Variants in STXBP5L observed in about 807,000 individuals in gnomAD.
STXBP5L encodes the protein syntaxin binding protein 5L.
STXBP5L carries 65 observed loss-of-function variants against 144.5 expected under a neutral mutation model. The observed-to-expected ratio is 0.45, with a 90% CI of 0.37 to 0.55. The LOEUF (loss-of-function observed/expected upper bound fraction) is 0.55. STXBP5L is among the 20% of genes least tolerant of loss of function. STXBP5L has a pLI of 0.00. For synonymous variants in STXBP5L, 505 were observed against 469.6 expected (o/e 1.08, Z -0.97); for missense variants, 1,298 against 1,405.5 (o/e 0.92, Z 1.22).
At chr3:121,231,650 A>G (rs1577263843) in intron 11 of STXBP5L, among the ~76,000 whole-genome samples, 4 of 152,078 alleles carry the variant, frequency 2.6e-5, no homozygotes, top group Non-Finnish European at 4.4e-5. Context: ...AAAGAGATAT[A>G]TATATTTTGG....
chr3:120,985,089 G>A (rs1942170328), intron 3 of STXBP5L, among the ~76,000 whole-genome samples: 1 of 151,996 alleles, frequency 6.6e-6, no homozygotes, highest in South Asian at 2.1e-4. Flanking sequence ...TTTCATGCCA[G>A]TGTTCATAAG....
chr3:121,190,211 G>T (rs35983445), intron 9 of STXBP5L, among the ~76,000 whole-genome samples: 1 of 152,042 alleles, frequency 6.6e-6, no homozygotes, highest in Non-Finnish European at 1.5e-5. Flanking sequence ...GCGGCCTTCC[G>T]CAGTGTTTGT....
intron 5 of STXBP5L, among the ~76,000 whole-genome samples, chr3:121,057,543 C>A (rs1268664090): frequency 3.3e-5 from 5 of 151,838 alleles, no homozygotes; most frequent in Non-Finnish European, 5.9e-5. Context: ...TTAATTTTGC[C>A]TGTTTTTGAC....
intron 5 of STXBP5L, among the ~76,000 whole-genome samples, chr3:121,069,153 A>G (rs2107655377): frequency 1.3e-5 from 2 of 152,296 alleles, no homozygotes; most frequent in South Asian, 4.1e-4. Context: ...TTCCATTGTC[A>G]TCCCTATCTC....
At chr3:121,314,826 A>G (rs1425135805) in intron 19 of STXBP5L, among the ~76,000 whole-genome samples, 2 of 152,144 alleles carry the variant, frequency 1.3e-5, no homozygotes, top group African/African-American at 2.4e-5. Flanking sequence ...TGGGCAAAGG[A>G]TATGAACAGA....
intron 9 of STXBP5L, among the ~76,000 whole-genome samples, chr3:121,163,255 G>A (rs2046383921): frequency 6.6e-6 from 1 of 152,164 alleles, no homozygotes; most frequent in Admixed American, 6.5e-5. Context: ...AAAAGAATGA[G>A]TTCATGTCCT....
intron 20 of STXBP5L, among the ~76,000 whole-genome samples, chr3:121,367,595 G>GTTTTTTTTTTTTTT (rs57288480): frequency 1.9e-5 from 1 of 51,336 alleles, no homozygotes; most frequent in African/African-American, 7.8e-5. Context: ...TTCGACTCTT[G>GTTTTTTTTTTTTTT]TTTTTTTTTT....
chr3:120,994,762 G>A (rs1349193019), intron 3 of STXBP5L, among the ~76,000 whole-genome samples: 1 of 151,714 alleles, frequency 6.6e-6, no homozygotes, highest in African/African-American at 2.4e-5. Context: ...ATGGTTTTCT[G>A]GTTTTTTTAA....
chr3:121,285,623 G>A lies in STXBP5L; in HGVS notation c.2110+5667G>A, dbSNP rs193061294. ...ATTTTGTAGTTGAAAGAAAACTTTC[G>A]TGTTCTACAGATTATGATTTTTAGA... On this transcript the variant is annotated intron_variant, in intron 19 of 26. Coordinates refer to ENST00000471454, the MANE Select transcript of STXBP5L (RefSeq NM_001308330.2). Among the ~76,000 whole-genome samples the A allele has an allele frequency of 9.2e-5, 14 of 152,092 alleles. No individual in the cohort carries two copies. In the East Asian group the frequency reaches 1.9e-3, roughly 21 times the overall value.
chr3:121,222,731 C>T (rs338971), intron 10 of STXBP5L, among the ~76,000 whole-genome samples: 73,214 of 152,024 alleles, frequency 0.48, 18,164 homozygotes, highest in East Asian at 0.73. Flanking sequence ...GTGAGCACAT[C>T]TACCTTCCTC....
chr3:121,028,105 T>C (rs1576704509), intron 3 of STXBP5L, among the ~76,000 whole-genome samples: 1 of 152,208 alleles, frequency 6.6e-6, no homozygotes, highest in South Asian at 2.1e-4. Flanking sequence ...AATTAATTAA[T>C]ACAAGTATGT....
chr3:121,045,023 A>G (rs898201509), intron 4 of STXBP5L, among the ~76,000 whole-genome samples: 4 of 152,174 alleles, frequency 2.6e-5, no homozygotes, highest in African/African-American at 7.2e-5. Context: ...GAGAATTTTT[A>G]TATGACCTGT....
intron 22 of STXBP5L, among the ~76,000 whole-genome samples, chr3:121,385,773 C>T (rs1025074481): frequency 6.6e-6 from 1 of 151,962 alleles, no homozygotes; most frequent in Non-Finnish European, 1.5e-5. Context: ...TAGAGTTGTC[C>T]CAGCCTTACT....
chr3:121,067,449 G>T (rs575551293), intron 5 of STXBP5L, among the ~76,000 whole-genome samples: 4 of 152,040 alleles, frequency 2.6e-5, no homozygotes, highest in African/African-American at 4.8e-5. Flanking sequence ...TCTATCTCTT[G>T]TTAGTAAAAA....
chr3:121,103,698 T>TA (rs2043549051), intron 5 of STXBP5L, among the ~76,000 whole-genome samples: 1 of 152,098 alleles, frequency 6.6e-6, no homozygotes, highest in South Asian at 2.1e-4. Context: ...TATAAAAAGA[T>TA]AAGACAGTAT....
intron 3 of STXBP5L, among the ~76,000 whole-genome samples, chr3:120,961,873 A>T (rs183298791): frequency 3.3e-5 from 5 of 152,334 alleles, no homozygotes; most frequent in Non-Finnish European, 7.3e-5. Context: ...TAGTTGAACT[A>T]GTTTACACTC....
intron 20 of STXBP5L, among the ~76,000 whole-genome samples, chr3:121,365,941 A>T (rs558615521): frequency 1.3e-5 from 2 of 151,434 alleles, no homozygotes; most frequent in South Asian, 2.1e-4. Flanking sequence ...ACTGTATCTT[A>T]TATGTTTTTG....
intron 20 of STXBP5L, among the ~76,000 whole-genome samples, chr3:121,329,858 C>T (rs2044268045): frequency 6.6e-6 from 1 of 152,000 alleles, no homozygotes; most frequent in Non-Finnish European, 1.5e-5. Context: ...AGACCCTGTT[C>T]CCCCACATTC....
intron 22 of STXBP5L, among the ~76,000 whole-genome samples, chr3:121,401,418 C>T (rs949887402): frequency 6.7e-6 from 1 of 149,946 alleles, no homozygotes; most frequent in African/African-American, 2.5e-5. Context: ...GACTATAAAT[C>T]ATGCTGCTAT....
Sources: gnomAD v4.1 joint callset for allele counts (sites outside exome capture counted in the v4.1 genomes callset) on GRCh38, gnomAD v4.1.1 for gene constraint, MANE v1.5 for transcripts, NCBI Gene and HGNC (gene_info 2026-07-23, HGNC 2026-07-21) for gene names.